The following RBFOX1 variants were observed in gnomAD, a reference collection of about 807,000 sequenced individuals.
The protein encoded by RBFOX1 is RNA binding protein fox-1 homolog 1.
In RBFOX1, 8 loss-of-function variants were observed where a neutral mutation model predicts 57.7. That is an observed-to-expected ratio of 0.14 (90% CI 0.08 to 0.25). The LOEUF (loss-of-function observed/expected upper bound fraction) is 0.25. Ranked by LOEUF, RBFOX1 falls within the 10% of genes least tolerant of loss-of-function variation. The probability of loss-of-function intolerance (pLI) is 1.00; values close to 1 mark genes in which losing one functional copy is unlikely to be tolerated. For synonymous variants in RBFOX1, 326 were observed against 222.4 expected (o/e 1.47, Z -4.15); for missense variants, 611 against 548.5 (o/e 1.11, Z -1.14).
At chr16:6,963,986 C>G (rs1469721131) in intron 3 of RBFOX1, among the ~76,000 whole-genome samples, 1 of 150,912 alleles carries the variant, frequency 6.6e-6, no homozygotes, top group African/African-American at 2.4e-5. Context: ...GCGTGAGCCA[C>G]TGCGCCCAGC....
At chr16:7,701,150 G>A (rs1391977950) in intron 14 of RBFOX1, among the ~76,000 whole-genome samples, 1 of 152,094 alleles carries the variant, frequency 6.6e-6, no homozygotes, top group East Asian at 2.0e-4. Context: ...GAAGTCAGCA[G>A]CAATGAAACT....
At chr16:5,613,346 C>G (rs2047893715) in intron 3 of RBFOX1, among the ~76,000 whole-genome samples, 1 of 152,168 alleles carries the variant, frequency 6.6e-6, no homozygotes, top group African/African-American at 2.4e-5. Flanking sequence ...AGGTTCTTGA[C>G]AGAGGGAGGG....
chr16:5,517,966 T>A (rs1315992998), intron 2 of RBFOX1, among the ~76,000 whole-genome samples: 2 of 143,578 alleles, frequency 1.4e-5, no homozygotes, highest in Non-Finnish European at 3.0e-5. Context: ...GTGTGTGTAG[T>A]GGCTTTTATT....
chr16:6,335,885 T>C (rs1171787716), intron 2 of RBFOX1, among the ~76,000 whole-genome samples: 2 of 150,742 alleles, frequency 1.3e-5, no homozygotes, highest in East Asian at 1.9e-4. Flanking sequence ...ATATTTCCTA[T>C]GTCCATATGT....
At chr16:5,969,295 GTTCT>G (rs2059913182) in intron 4 of RBFOX1, among the ~76,000 whole-genome samples, 1 of 93,044 alleles carries the variant, frequency 1.1e-5, no homozygotes, top group Admixed American at 1.1e-4. Flanking sequence ...ATTTTCGGTT[GTTCT>G]TTTTTTTTTT....
At chr16:6,176,583 C>T (rs2097012615) in intron 1 of RBFOX1, among the ~76,000 whole-genome samples, 1 of 151,960 alleles carries the variant, frequency 6.6e-6, no homozygotes, top group African/African-American at 2.4e-5. Context: ...GTTTGCATCC[C>T]AAAAGACTGG....
At chr16:6,754,389 C>G (rs1401063051) in intron 3 of RBFOX1, among the ~76,000 whole-genome samples, 2 of 152,172 alleles carry the variant, frequency 1.3e-5, no homozygotes, top group Non-Finnish European at 2.9e-5. Flanking sequence ...TTTGTAAAAG[C>G]AAAGTCATCT....
chr16:5,775,244 T>C (rs1183348399), intron 3 of RBFOX1, among the ~76,000 whole-genome samples: 1 of 152,192 alleles, frequency 6.6e-6, no homozygotes, highest in Non-Finnish European at 1.5e-5. Context: ...TCAACCACCA[T>C]AGCTGTTCCT....
chr16:5,277,123 G>A (rs1205266364), intron 1 of RBFOX1, among the ~76,000 whole-genome samples: 1 of 152,046 alleles, frequency 6.6e-6, no homozygotes, highest in Non-Finnish European at 1.5e-5. Flanking sequence ...ATACTACTTA[G>A]CCTTAAAAAG....
Position 7,627,806 on chromosome 16 carries a change from G to A in RBFOX1, c.677-2797G>A, listed in dbSNP as rs75865883. 3.1e-3 allele frequency among the ~76,000 whole-genome samples: 471 copies of A among 152,242 alleles called. 1 individual carries two copies. The highest frequency in any genetic ancestry group is 0.01 in the African/African-American group (422 of 41,542). Reference sequence around the variant, plus strand: ...TCACAAAGCACTAAGGGAACATACAGTAAGTACTTTCCAAATTAAATTGGA... The same window carrying A: ...TCACAAAGCACTAAGGGAACATACAATAAGTACTTTCCAAATTAAATTGGA... On this transcript the variant is annotated intron_variant, in intron 10 of 15. Transcript: ENST00000550418.
intron 4 of RBFOX1, among the ~76,000 whole-genome samples, chr16:7,269,711 G>C (rs908322678): frequency 2.0e-5 from 3 of 152,064 alleles, no homozygotes; most frequent in African/African-American, 7.2e-5. Context: ...TAATGTCACA[G>C]AGAATTTTCT....
intron 5 of RBFOX1, among the ~76,000 whole-genome samples, chr16:7,577,085 T>C (rs1214623307): frequency 1.3e-5 from 2 of 152,222 alleles, no homozygotes; most frequent in African/African-American, 4.8e-5. Context: ...TCTTCGACTA[T>C]CACATGAAGG....
At chr16:7,466,373 A>G (rs1244894781) in intron 4 of RBFOX1, among the ~76,000 whole-genome samples, 1 of 152,216 alleles carries the variant, frequency 6.6e-6, no homozygotes, top group East Asian at 1.9e-4. Context: ...TTCTAACTGC[A>G]TTATCTCATT....
At chr16:7,415,228 T>G (rs2098466914) in intron 4 of RBFOX1, among the ~76,000 whole-genome samples, 1 of 152,246 alleles carries the variant, frequency 6.6e-6, no homozygotes, top group African/African-American at 2.4e-5. Flanking sequence ...ACTGAGTGTC[T>G]GGGGTATTAA....
intron 4 of RBFOX1, among the ~76,000 whole-genome samples, chr16:6,009,226 A>G (rs974555740): frequency 1.3e-5 from 2 of 151,992 alleles, no homozygotes; most frequent in African/African-American, 4.8e-5. Flanking sequence ...TCTAAAAAAG[A>G]CCTACCAAAA....
At chr16:7,358,479 G>A (rs148796939) in intron 4 of RBFOX1, among the ~76,000 whole-genome samples, 22,403 of 151,880 alleles carry the variant, frequency 0.15, 2,230 homozygotes, top group African/African-American at 0.3. Context: ...GGAGTGCAGC[G>A]GCGCGATCTC....
chr16:6,433,974 A>G (rs765302757), intron 2 of RBFOX1, among the ~76,000 whole-genome samples: 1 of 151,534 alleles, frequency 6.6e-6, no homozygotes, highest in African/African-American at 2.4e-5. Context: ...CATCCTCCCA[A>G]GTAGCTGGGA....
At chr16:7,475,356 C>A (rs957744028) in intron 4 of RBFOX1, among the ~76,000 whole-genome samples, 1 of 150,478 alleles carries the variant, frequency 6.6e-6, no homozygotes, top group Admixed American at 6.6e-5. Context: ...GCTCTGTCAC[C>A]CAGGCTGGAG....
At chr16:6,348,563 CT>C (rs1567988460) in intron 2 of RBFOX1, among the ~76,000 whole-genome samples, 1 of 152,128 alleles carries the variant, frequency 6.6e-6, no homozygotes, top group African/African-American at 2.4e-5. Flanking sequence ...GATCATGGTT[CT>C]GCACGCTGTA....
Sources: gnomAD v4.1 joint callset for allele counts (sites outside exome capture counted in the v4.1 genomes callset) on GRCh38, gnomAD v4.1.1 for gene constraint, MANE v1.5 for transcripts, NCBI Gene and HGNC (gene_info 2026-07-23, HGNC 2026-07-21) for gene names.